The following DLG4 variants were observed in gnomAD, a reference collection of about 807,000 sequenced individuals.
DLG4 encodes discs large MAGUK scaffold protein 4, also known as disks large homolog 4.
A neutral mutation model predicts 93.8 loss-of-function variants in DLG4; 7 were observed. The observed-to-expected ratio is 0.07, with a 90% confidence interval of 0.04 to 0.14. The LOEUF (loss-of-function observed/expected upper bound fraction) is 0.14, where lower values mean the gene tolerates loss of function less well. Ranked by LOEUF, DLG4 falls within the 10% of genes least tolerant of loss-of-function variation. The pLI is 1.00. For missense variants in DLG4, 545 were observed against 992.9 expected (o/e 0.55, Z 6.06); for synonymous variants, 341 against 387.6 (o/e 0.88, Z 1.41).
chr17:7,217,438 C>A lies in DLG4; in HGVS notation c.-291G>T, dbSNP rs2070975422. ...CGGGGGCACCGGGGGCTGGCAGCCC[C>A]GGAGTTCGGGGGCTGGGGCATGAGC... On this transcript the variant is annotated 5_prime_UTR_variant, in exon 1 of 20. Coordinates refer to ENST00000399506, the MANE Select transcript of DLG4 (RefSeq NM_001321075.3). 6.7e-6 allele frequency: 1 copy of A among 148,462 alleles called. No homozygotes were observed. 9.2% of individuals were successfully genotyped at this position (148,462 alleles called of 1,614,324 possible). A position where few individuals can be genotyped will look rare whatever the true frequency, so the allele number is the denominator to read the frequency against.
chr17:7,191,816 T>G lies in DLG4; in HGVS notation c.1976+77A>C. The G allele has an allele frequency of 9.5e-7, 1 of 1,050,744 alleles. No homozygotes were observed. Among genetic ancestry groups the G allele is most frequent in the Non-Finnish European group, 1.3e-6 (1 of 743,910 alleles). 65.1% of individuals were successfully genotyped at this position (1,050,744 alleles called of 1,614,324 possible). A position where few individuals can be genotyped will look rare whatever the true frequency, so the allele number is the denominator to read the frequency against. ...CTGTCCAGGGTTCTGAAGGGAGAGTTGAACGCAGACGCCTTGTGAGGCCCA... is the reference window on the plus strand; with the variant it reads ...CTGTCCAGGGTTCTGAAGGGAGAGTGGAACGCAGACGCCTTGTGAGGCCCA... On this transcript the variant is annotated intron_variant, in intron 18 of 19. Transcript: ENST00000399506. This position sits in a 1 kb window ranked among gnomAD's most constrained non-coding sequence, Gnocchi z 6.6.
At chr17:7,202,641 T>C in intron 8 of DLG4, 1 of 533,724 alleles carries the variant, frequency 1.9e-6, no homozygotes, top group South Asian at 3.2e-5. Flanking sequence ...AAGAATTATC[T>C]ATTCCTTGAG....
upstream of DLG4, chr17:7,218,125 C>T (rs2071018491): frequency 3.1e-6 from 3 of 962,762 alleles, no homozygotes; most frequent in Admixed American, 2.4e-5. Flanking sequence ...GGGCCACTGA[C>T]TCAGGCTTTT....
chr17:7,199,316 C>CA (rs1377220239), intron 8 of DLG4, among the ~76,000 whole-genome samples: 1 of 151,976 alleles, frequency 6.6e-6, no homozygotes, highest in Non-Finnish European at 1.5e-5. Flanking sequence ...TCTCCCACCT[C>CA]AACCTCTCCA....
In DLG4 at chr17:7,195,613, T is replaced by C. The variant is rs187185977; in HGVS notation, c.1301+607A>G. 6.6e-6 allele frequency among the ~76,000 whole-genome samples: 1 copy of C among 151,756 alleles called. No individual in the cohort carries two copies. Among genetic ancestry groups the C allele is most frequent in the African/African-American group, 2.4e-5 (1 of 41,366 alleles). ...GCAGGTCTTGACCTCTGGAAATAGG[T>C]CAGCCAGGGCCAGCACCTCCGAGAG... On this transcript the variant is annotated intron_variant, in intron 11 of 19. Transcript: ENST00000399506. This position sits in a 1 kb window ranked among gnomAD's most constrained non-coding sequence, Gnocchi z 4.3.
chr17:7,202,748 T>C, intron 8 of DLG4, 155 bp downstream of exon 8: 1 of 916,406 alleles, frequency 1.1e-6, no homozygotes, highest in South Asian at 2.0e-5. Context: ...GTAATTGATT[T>C]TCCATCTCTT....
intron 8 of DLG4, 55 bp downstream of exon 8, chr17:7,202,848 T>TA: frequency 6.2e-7 from 1 of 1,604,806 alleles, no homozygotes; most frequent in East Asian, 2.2e-5. Context: ...GGACTGCATG[T>TA]CATGGGTTAA....
At position 7,192,219 on chromosome 17, in the gene DLG4, C is replaced by T. The variant is rs540410782; in HGVS notation, c.1867-217G>A. The T allele has an allele frequency of 3.7e-5, 16 of 430,410 alleles. No homozygotes were observed. In the South Asian group the frequency reaches 5.9e-4, roughly 16 times the overall value. The allele number at this position is 430,410 out of a possible 1,614,324, so 26.7% of individuals were successfully genotyped here. A position where few individuals can be genotyped will look rare whatever the true frequency, so the allele number is the denominator to read the frequency against. ...GAAAGGAAAGGGAAGATGGAGAGCA[C>T]GGGAGAGGGCAGGGACAGGACAGAA... On this transcript the variant is annotated intron_variant, in intron 17 of 19. Transcript: ENST00000399506.
rs1480608567 is a variant in DLG4 at position 7,195,807 on chromosome 17, TG to T, written c.1301+412del. 1.3e-5 allele frequency among the ~76,000 whole-genome samples: 2 copies of T among 152,070 alleles called. No homozygotes were observed. Among genetic ancestry groups the T allele is most frequent in the Non-Finnish European group, 2.9e-5 (2 of 68,002 alleles). ...CCCTAAGAGGGGAGCAAAATGCCGC[TG>T]GAGAGACGGGGGCAGGCACCACAGA... is the stretch of plus-strand genomic sequence containing the variant. On this transcript the variant is annotated intron_variant, in intron 11 of 19. Transcript: ENST00000399506. This position sits in a 1 kb window ranked among gnomAD's most constrained non-coding sequence, Gnocchi z 4.3.
chr17:7,196,997 G>A lies in DLG4; in HGVS notation c.843C>T (p.Asp281=). The change falls in exon 9 of 20, where the codon GAC becomes GAT. Residue 281 remains aspartate (D), a synonymous_variant. Transcript: ENST00000399506. The surrounding 1 kb of genome is among the most constrained non-coding windows in gnomAD (Gnocchi z 8.3). ...EISHSSYLGT[D]YPTAMTPTSP... ...AAGTGGGGGTCATGGCTGTGGGGTA[G>A]TCGGTGCCCAGGTAGCTGCTGTGAC... The A allele has an allele frequency of 1.9e-6, 3 of 1,613,730 alleles. No homozygotes were observed. Among genetic ancestry groups the A allele is most frequent in the Non-Finnish European group, 2.5e-6 (3 of 1,179,798 alleles).
At chr17:7,219,440 T>C (rs1186976918), upstream of DLG4, 3 of 1,017,972 alleles carry the variant, frequency 2.9e-6, no homozygotes, top group Admixed American at 5.3e-5. Context: ...AGTTAGTGAA[T>C]GGCCTACATC....
chr17:7,196,434 C>A lies in DLG4; in HGVS notation c.1186+39G>T, dbSNP rs1166262203. The A allele has an allele frequency of 6.2e-7, 1 of 1,610,816 alleles. No individual in the cohort carries two copies. The highest frequency in any genetic ancestry group is 8.5e-7 in the Non-Finnish European group (1 of 1,177,096). On this transcript the variant is annotated intron_variant, in intron 10 of 19. Transcript: ENST00000399506. The surrounding 1 kb of genome is among the most constrained non-coding windows in gnomAD (Gnocchi z 8.3). Reference sequence around the variant, plus strand: ...TCAGCTGAGGAAGAGTTCTAAGGGCCATTTCAGCTCACAAGACAAGGAACT... The same window carrying A: ...TCAGCTGAGGAAGAGTTCTAAGGGCAATTTCAGCTCACAAGACAAGGAACT...
In DLG4 at chr17:7,187,318, G is replaced by GCGA. The variant is rs1378857214; in HGVS notation, c.*3389_*3390insTCG. ...ACTTTGGGAGGCCGAGGGGGGGGGG[G>GCGA]GTGGATCACCCGAGGTCAGGAGTTC... On this transcript the variant is annotated 3_prime_UTR_variant, in exon 20 of 20. Transcript: ENST00000399506. Among the ~76,000 whole-genome samples, 5 of 68,554 alleles carry GCGA rather than the reference G, an allele frequency of 7.3e-5. 1 individual carries two copies. Among genetic ancestry groups the GCGA allele is most frequent in the Non-Finnish European group, 2.0e-4 (4 of 19,824 alleles). 45.0% of individuals were successfully genotyped at this position (68,554 alleles called of 152,430 possible).
chr17:7,199,564 A>G (rs569250846), intron 8 of DLG4, among the ~76,000 whole-genome samples: 1 of 152,270 alleles, frequency 6.6e-6, no homozygotes, highest in East Asian at 1.9e-4. Context: ...TTTTCACTGG[A>G]CAGTAGAAGC....
At position 7,217,597 on chromosome 17, in the gene DLG4, T is replaced by C; in HGVS notation, c.-450A>G. The C allele has an allele frequency of 7.8e-7, 1 of 1,275,752 alleles. No individual in the cohort carries two copies. 79.0% of individuals were successfully genotyped at this position (1,275,752 alleles called of 1,614,324 possible). On this transcript the variant is annotated 5_prime_UTR_variant, in exon 1 of 20. Coordinates refer to ENST00000399506, the MANE Select transcript of DLG4 (RefSeq NM_001321075.3). ...GAAACGGCAGCGGCCGAGGGAGCCGTGGAGCCGAAGAGGGAAGGGGAGAGA... is the reference window on the plus strand; with the variant it reads ...GAAACGGCAGCGGCCGAGGGAGCCGCGGAGCCGAAGAGGGAAGGGGAGAGA...
chr17:7,210,166 T>A (rs1597488560), intron 1 of DLG4, among the ~76,000 whole-genome samples: 1 of 152,156 alleles, frequency 6.6e-6, no homozygotes, highest in Non-Finnish European at 1.5e-5. Flanking sequence ...TCAAGGTCAA[T>A]GGCCAATCCT....
chr17:7,203,681 C>A lies in DLG4; in HGVS notation c.335+11G>T. The A allele has an allele frequency of 6.2e-7, 1 of 1,613,944 alleles. No individual in the cohort carries two copies. The highest frequency in any genetic ancestry group is 1.3e-5 in the African/African-American group (1 of 75,058). ...GGACCAAGCAACCTAACCCCTGTCT[C>A]CTCTCCCCACCTGAGGCGGCCATCC... On this transcript the variant is annotated intron_variant, in intron 5 of 19. Coordinates refer to ENST00000399506, the MANE Select transcript of DLG4 (RefSeq NM_001321075.3). The surrounding 1 kb of genome is among the most constrained non-coding windows in gnomAD (Gnocchi z 7.2).
chr17:7,205,014 G>GC, intron 2 of DLG4: 1 of 985,308 alleles, frequency 1.0e-6, no homozygotes, highest in Non-Finnish European at 1.2e-6. Flanking sequence ...AAACTCCTGA[G>GC]CGCAGAAGGG....
chr17:7,211,707 G>T, intron 1 of DLG4: 1 of 962,684 alleles, frequency 1.0e-6, no homozygotes, highest in Non-Finnish European at 1.2e-6. Context: ...CATGGAGAAG[G>T]GGAGGGGGAC....
Sources: allele counts gnomAD v4.1 joint callset (sites outside exome capture counted in the v4.1 genomes callset), GRCh38; gene constraint gnomAD v4.1.1; non-coding constraint Gnocchi (gnomAD v3.1); transcripts MANE v1.5; gene names NCBI Gene and HGNC (gene_info 2026-07-23, HGNC 2026-07-21).